LYPLAL1: variants seen among roughly 807,000 people sequenced by gnomAD.
LYPLAL1 encodes the protein lysophospholipase-like protein 1.
A neutral mutation model predicts 19.7 loss-of-function variants in LYPLAL1; 23 were observed. The observed-to-expected ratio is 1.17, with a 90% CI of 0.84 to 1.65. The LOEUF is 1.65. Among genes scored for constraint, LYPLAL1 ranks in the 40% most tolerant of loss-of-function variants. The pLI is 0.00. For missense variants in LYPLAL1, 355 were observed against 279.4 expected, an observed-to-expected ratio of 1.27 and a Z score of -1.93; for synonymous variants, 119 against 96.3, an observed-to-expected ratio of 1.24 and a Z score of -1.38.
At chr1:219,242,706 A>T in the LYPLAL1 span, among the ~76,000 whole-genome samples, 1 of 150,770 alleles carries the variant, frequency 6.6e-6, no homozygotes, top group Non-Finnish European at 1.5e-5. Context: ...TAGTTGAAAA[A>T]ATTATATATA....
the LYPLAL1 span, among the ~76,000 whole-genome samples, chr1:219,254,763 T>C: frequency 6.6e-6 from 1 of 151,972 alleles, no homozygotes; most frequent in African/African-American, 2.4e-5. Flanking sequence ...GGGGATGATC[T>C]TCTTGTGTAG....
chr1:219,396,052 G>C, the LYPLAL1 span, among the ~76,000 whole-genome samples: 1 of 149,626 alleles, frequency 6.7e-6, no homozygotes, highest in South Asian at 2.1e-4. Flanking sequence ...GCAGTGAGCC[G>C]AGATTGCACC....
chr1:219,233,596 T>A, the LYPLAL1 span, among the ~76,000 whole-genome samples: 1 of 151,974 alleles, frequency 6.6e-6, no homozygotes, highest in African/African-American at 2.4e-5. Context: ...AGGGAGAACT[T>A]GTCTTTACAA....
chr1:219,187,521 T>A (rs1046902199), intron 2 of LYPLAL1, among the ~76,000 whole-genome samples: 8 of 151,772 alleles, frequency 5.3e-5, no homozygotes, highest in African/African-American at 1.9e-4. Flanking sequence ...TGTTTATTAT[T>A]AGAATTTCCA....
chr1:219,244,488 G>A, the LYPLAL1 span, among the ~76,000 whole-genome samples: 2 of 152,176 alleles, frequency 1.3e-5, no homozygotes, highest in Admixed American at 6.5e-5. Context: ...ATAGGAGACA[G>A]GTGTCGGAAG....
chr1:219,427,771 T>C, the LYPLAL1 span, among the ~76,000 whole-genome samples: 1 of 152,222 alleles, frequency 6.6e-6, no homozygotes, highest in African/African-American at 2.4e-5. Context: ...TTGTTTTCCA[T>C]TTAAATTGTA....
At chr1:219,418,124 T>G in the LYPLAL1 span, among the ~76,000 whole-genome samples, 1 of 152,162 alleles carries the variant, frequency 6.6e-6, no homozygotes, top group Non-Finnish European at 1.5e-5. Context: ...GTTTACCTAT[T>G]TGGAATCAGA....
the LYPLAL1 span, among the ~76,000 whole-genome samples, chr1:219,426,475 T>C: frequency 1.3e-5 from 2 of 152,220 alleles, no homozygotes; most frequent in Non-Finnish European, 2.9e-5. Context: ...GTCACAGTGG[T>C]GGCAGCAGCA....
intron 3 of LYPLAL1, among the ~76,000 whole-genome samples, chr1:219,206,388 T>A (rs1658568352): frequency 1.3e-5 from 2 of 152,228 alleles, no homozygotes; most frequent in South Asian, 2.1e-4. Context: ...TATCATTTTT[T>A]AGACTCTTAG....
chr1:219,440,296 AAAAC>A, the LYPLAL1 span, among the ~76,000 whole-genome samples: 1 of 152,084 alleles, frequency 6.6e-6, no homozygotes, highest in African/African-American at 2.4e-5. Context: ...TTCTTTTAAA[AAAAC>A]CTATTTACTA....
At chr1:219,331,649 T>A in the LYPLAL1 span, among the ~76,000 whole-genome samples, 6 of 152,284 alleles carry the variant, frequency 3.9e-5, no homozygotes, top group East Asian at 1.2e-3. Context: ...ACACTCCACT[T>A]CTAGTGGGAA....
chr1:219,295,721 C>T, the LYPLAL1 span, among the ~76,000 whole-genome samples: 3 of 152,176 alleles, frequency 2.0e-5, no homozygotes, highest in Non-Finnish European at 2.9e-5. Context: ...ACTCCAGCTA[C>T]CCACCAAACT....
chr1:219,296,207 C>T, the LYPLAL1 span, among the ~76,000 whole-genome samples: 1 of 152,044 alleles, frequency 6.6e-6, no homozygotes, highest in Non-Finnish European at 1.5e-5. Context: ...TCTGAAAATC[C>T]AGCCCATATA....
chr1:219,270,876 G>C, the LYPLAL1 span: 1 of 152,126 alleles, frequency 6.6e-6, no homozygotes, highest in African/African-American at 2.4e-5. Context: ...ATGACAGGGG[G>C]AAACAAACAA....
the LYPLAL1 span, among the ~76,000 whole-genome samples, chr1:219,268,810 A>G: frequency 3.3e-5 from 5 of 152,178 alleles, no homozygotes; most frequent in Non-Finnish European, 7.3e-5. Flanking sequence ...TCATTAACCA[A>G]ATATTCATCA....
the LYPLAL1 span, among the ~76,000 whole-genome samples, chr1:219,425,534 T>A: frequency 6.6e-6 from 1 of 152,228 alleles, no homozygotes; most frequent in Non-Finnish European, 1.5e-5. Context: ...TCCAGCTCCC[T>A]TGATAGACTT....
At chr1:219,322,108 T>C in the LYPLAL1 span, among the ~76,000 whole-genome samples, 1 of 152,218 alleles carries the variant, frequency 6.6e-6, no homozygotes, top group Non-Finnish European at 1.5e-5. Context: ...ATTCTTCACT[T>C]CAGTTTTCAT....
At chr1:219,248,849 C>T in the LYPLAL1 span, among the ~76,000 whole-genome samples, 4 of 151,976 alleles carry the variant, frequency 2.6e-5, no homozygotes, top group East Asian at 3.9e-4. Flanking sequence ...CACAGATAAA[C>T]GCAAAGAAAA....
At chr1:219,190,622 TAAAAAA>T (rs35544870) in intron 2 of LYPLAL1, among the ~76,000 whole-genome samples, 2 of 86,030 alleles carry the variant, frequency 2.3e-5, no homozygotes, top group African/African-American at 4.8e-5. Context: ...TTTTGTCCAG[TAAAAAA>T]AAAAAAAAAA....
Sources: gnomAD v4.1 joint callset for allele counts (sites outside exome capture counted in the v4.1 genomes callset) on GRCh38, gnomAD v4.1.1 for gene constraint, MANE v1.5 for transcripts, NCBI Gene and HGNC (gene_info 2026-07-23, HGNC 2026-07-21) for gene names.